The following SLC4A4 variants were observed in gnomAD, a reference collection of about 807,000 sequenced individuals.
SLC4A4 encodes solute carrier family 4 member 4, also known as electrogenic sodium bicarbonate cotransporter 1.
SLC4A4 carries 27 observed loss-of-function variants against 111.5 expected under a neutral mutation model. That is an observed-to-expected ratio of 0.24 (90% CI 0.18 to 0.33). The LOEUF (loss-of-function observed/expected upper bound fraction) is 0.33. Ranked by LOEUF, SLC4A4 falls within the 10% of genes least tolerant of loss-of-function variation. SLC4A4 has a pLI of 1.00. For synonymous variants in SLC4A4, 443 were observed against 463.4 expected (o/e 0.96, Z 0.57); for missense variants, 909 against 1,315.5 (o/e 0.69, Z 4.78).
chr4:71,271,947 C>G (rs948477885), intron 3 of SLC4A4, among the ~76,000 whole-genome samples: 4 of 152,110 alleles, frequency 2.6e-5, no homozygotes, highest in African/African-American at 9.7e-5. Flanking sequence ...GAAACTCATC[C>G]TCAAATAATT....
intron 1 of SLC4A4, among the ~76,000 whole-genome samples, chr4:71,208,944 A>G (rs1245290544): frequency 6.6e-6 from 1 of 152,140 alleles, no homozygotes; most frequent in Non-Finnish European, 1.5e-5. Flanking sequence ...CCAGACTTGA[A>G]ATTGGCTAGC....
At chr4:71,194,469 T>A (rs1032777159) in intron 1 of SLC4A4, among the ~76,000 whole-genome samples, 4 of 152,164 alleles carry the variant, frequency 2.6e-5, no homozygotes, top group African/African-American at 9.6e-5. Flanking sequence ...CTTTATATAT[T>A]TTTTTTCTCT....
chr4:71,409,730 C>G (rs181064058), intron 7 of SLC4A4, among the ~76,000 whole-genome samples: 79 of 152,330 alleles, frequency 5.2e-4, no homozygotes, highest in African/African-American at 1.8e-3. Context: ...TAATGTTATT[C>G]CCCAAGACCA....
At chr4:71,285,223 G>A (rs1336027055) in intron 3 of SLC4A4, among the ~76,000 whole-genome samples, 7 of 152,178 alleles carry the variant, frequency 4.6e-5, no homozygotes, top group Non-Finnish European at 8.8e-5. Flanking sequence ...CTTAACTCAA[G>A]ATAAATGATG....
chr4:71,499,155 C>T (rs1342944197), intron 16 of SLC4A4, among the ~76,000 whole-genome samples: 2 of 151,716 alleles, frequency 1.3e-5, no homozygotes, highest in Non-Finnish European at 2.9e-5. Context: ...GTATTTTTGG[C>T]TTATACTTTG....
In SLC4A4 at chr4:71,451,197, G is replaced by T. The variant is rs765498323; in HGVS notation, c.1218G>T (p.Met406Ile). The change falls in exon 11 of 26, where the codon ATG becomes ATT. Residue 406 changes from methionine to isoleucine, a missense_variant. Around this residue, in one of 7 missense-constraint regions of SLC4A4, gnomAD observed 312 missense variants for 402.0 expected, o/e 0.78. Coordinates refer to ENST00000264485, the MANE Select transcript of SLC4A4 (RefSeq NM_001098484.3). ...SLPSSDKRKN[M>I]YSGGENVQMN... ...CTGTTGTCTTGCTTAGAAAGAATAT[G>T]TACTCAGGTGGAGAGAATGTTCAGA... 9 of 1,599,404 alleles carry T rather than the reference G, an allele frequency of 5.6e-6. No individual in the cohort carries two copies. Among genetic ancestry groups the T allele is most frequent in the Non-Finnish European group, 7.7e-6 (9 of 1,166,730 alleles).
chr4:71,131,190 T>A lies in SLC4A4; in HGVS notation c.-2+38398T>A, dbSNP rs1434152716. On this transcript the variant is annotated intron_variant, in intron 2 of 26. Coordinates refer to the SLC4A4 transcript ENST00000649996. ...CTGTCCATCTCATACTAGTTTGGCA[T>A]CTCTGTAGAAAGAAAAATTGACAGA... Among the ~76,000 whole-genome samples the A allele has an allele frequency of 2.0e-5, 3 of 152,186 alleles. No homozygotes were observed. The East Asian group carries it at 5.8e-4, about 29-fold the overall frequency.
Position 71,101,854 on chromosome 4 carries a change from C to T in SLC4A4, c.-2+9062C>T, listed in dbSNP as rs914518707. Among the ~76,000 whole-genome samples the T allele has an allele frequency of 5.3e-4, 81 of 151,836 alleles. No individual in the cohort carries two copies. The South Asian group carries it at 7.3e-3, about 14-fold the overall frequency. ...AACAGAAAAACGGGAAACTCTAAAA[C>T]GCAGAACGCCTCTCCTCCTCCAAAG... On this transcript the variant is annotated intron_variant, in intron 2 of 26. Coordinates refer to the SLC4A4 transcript ENST00000649996.
At chr4:71,326,924 G>A (rs1480606687) in intron 3 of SLC4A4, among the ~76,000 whole-genome samples, 1 of 152,038 alleles carries the variant, frequency 6.6e-6, no homozygotes, top group East Asian at 1.9e-4. Context: ...ATGTAAACCA[G>A]TTGAGAATAG....
intron 8 of SLC4A4, among the ~76,000 whole-genome samples, chr4:71,443,130 A>C (rs1427203942): frequency 2.9e-3 from 364 of 126,946 alleles, no homozygotes; most frequent in East Asian, 7.3e-3. Flanking sequence ...ATATATATAT[A>C]TATATATATA....
At chr4:71,224,882 C>T (rs1329084727) in intron 1 of SLC4A4, among the ~76,000 whole-genome samples, 1 of 152,202 alleles carries the variant, frequency 6.6e-6, no homozygotes, top group East Asian at 1.9e-4. Context: ...CTTCTCATCA[C>T]ATGTACTGTG....
chr4:71,446,845 TC>T (rs1378453738), intron 8 of SLC4A4, among the ~76,000 whole-genome samples: 1 of 152,160 alleles, frequency 6.6e-6, no homozygotes, highest in Non-Finnish European at 1.5e-5. Context: ...ACTCATCAGA[TC>T]CCCGCATCCA....
At chr4:71,440,452 T>A (rs1724612446) in intron 7 of SLC4A4, among the ~76,000 whole-genome samples, 164 bp from the exon 8 acceptor site, 1 of 152,198 alleles carries the variant, frequency 6.6e-6, no homozygotes. Context: ...TTAAACATAA[T>A]GTAAAAGTGG....
chr4:71,496,746 G>A (rs1560561735), intron 15 of SLC4A4, among the ~76,000 whole-genome samples: 1 of 152,064 alleles, frequency 6.6e-6, no homozygotes, highest in African/African-American at 2.4e-5. Flanking sequence ...GGGAAGCACA[G>A]CACTGACCCC....
At chr4:71,418,356 G>A (rs962471865) in intron 7 of SLC4A4, among the ~76,000 whole-genome samples, 1 of 152,178 alleles carries the variant, frequency 6.6e-6, no homozygotes, top group Non-Finnish European at 1.5e-5. Context: ...GTAAACACAA[G>A]TAGAAGAGTA....
At chr4:71,279,802 A>G (rs111505517) in intron 3 of SLC4A4, among the ~76,000 whole-genome samples, 3,433 of 151,116 alleles carry the variant, frequency 0.023, 141 homozygotes, top group African/African-American at 0.078. Context: ...TTTTTTATTT[A>G]TTTATTTTTT....
chr4:71,512,715 A>G (rs1420784653), intron 16 of SLC4A4, among the ~76,000 whole-genome samples: 3 of 152,168 alleles, frequency 2.0e-5, no homozygotes, highest in African/African-American at 4.8e-5. Context: ...GTCTACACCA[A>G]TGTCCAGGAG....
intron 3 of SLC4A4, among the ~76,000 whole-genome samples, chr4:71,307,852 G>C (rs1005360004): frequency 6.6e-6 from 1 of 152,120 alleles, no homozygotes; most frequent in Non-Finnish European, 1.5e-5. Context: ...GCAAAGAGCA[G>C]TCAGCTTGTA....
chr4:71,349,359 G>T (rs1415062051), intron 4 of SLC4A4, among the ~76,000 whole-genome samples: 1 of 152,176 alleles, frequency 6.6e-6, no homozygotes, highest in Non-Finnish European at 1.5e-5. Context: ...ATTAAAGGAA[G>T]ACACAACAAA....
Sources: gnomAD v4.1 joint callset for allele counts (sites outside exome capture counted in the v4.1 genomes callset) on GRCh38, gnomAD v4.1.1 for gene constraint, gnomAD v4.1.1 regional missense constraint, MANE v1.5 for transcripts, NCBI Gene and HGNC (gene_info 2026-07-23, HGNC 2026-07-21) for gene names.